The following LY86 variants were observed in gnomAD, a reference collection of about 807,000 sequenced individuals.
LY86 encodes MD-1, RP105-associated.
A neutral mutation model predicts 17.3 loss-of-function variants in LY86; 20 were observed. The ratio of observed to expected loss-of-function variants is 1.15; its 90% CI spans 0.81 to 1.68. The LOEUF (loss-of-function observed/expected upper bound fraction) is 1.68. Ranked by LOEUF, LY86 falls within the 40% of genes most tolerant of loss-of-function variation. The probability of loss-of-function intolerance (pLI) is 0.00; values close to 1 mark genes in which losing one functional copy is unlikely to be tolerated. For missense variants in LY86, 200 were observed against 191.9 expected (o/e 1.04, Z -0.25); for synonymous variants, 74 against 70.6 (o/e 1.05, Z -0.24).
chr6:6,623,346 G>T (rs376991919), intron 1 of LY86, among the ~76,000 whole-genome samples: 2 of 152,184 alleles, frequency 1.3e-5, no homozygotes, highest in African/African-American at 4.8e-5. Context: ...TTAGGGCCCC[G>T]CAGAGCTGAG....
chr6:6,613,841 C>T (rs1761474739), intron 1 of LY86, among the ~76,000 whole-genome samples: 1 of 152,182 alleles, frequency 6.6e-6, no homozygotes, highest in Admixed American at 6.5e-5. Context: ...GGTTTATCCG[C>T]CTTCCTTCAG....
At chr6:6,593,818 G>C (rs950351843) in intron 1 of LY86, among the ~76,000 whole-genome samples, 4 of 152,198 alleles carry the variant, frequency 2.6e-5, no homozygotes, top group Non-Finnish European at 5.9e-5. Flanking sequence ...ACTCAAACCC[G>C]CTGTTTCTCA....
intron 3 of LY86, among the ~76,000 whole-genome samples, chr6:6,630,064 G>A (rs920464025): frequency 2.6e-5 from 4 of 152,186 alleles, no homozygotes; most frequent in African/African-American, 7.2e-5. Flanking sequence ...ACACACTTTA[G>A]TGCTAAGAGT....
chr6:6,607,356 T>C (rs549884417), intron 1 of LY86, among the ~76,000 whole-genome samples: 48 of 152,346 alleles, frequency 3.2e-4, no homozygotes, highest in Middle Eastern at 6.8e-3. Context: ...TACATACTTA[T>C]ATACCAAGGT....
Position 6,643,630 on chromosome 6 carries a change from C to T in LY86, c.353-5995C>T, listed in dbSNP as rs748600960. Among the ~76,000 whole-genome samples the T allele has an allele frequency of 5.3e-5, 8 of 152,294 alleles. No individual in the cohort carries two copies. In the East Asian group the frequency reaches 7.7e-4, roughly 15 times the overall value. ...ATCACAGTGTATTGTGCGTTGCTAA[C>T]GGAGTAGCTCTCCAGTGTTCTCACT... On this transcript the variant is annotated intron_variant, in intron 3 of 4. Transcript: ENST00000230568.
At chr6:6,595,899 G>A (rs1371388545) in intron 1 of LY86, among the ~76,000 whole-genome samples, 2 of 152,182 alleles carry the variant, frequency 1.3e-5, no homozygotes, top group African/African-American at 2.4e-5. Flanking sequence ...GGAGGGCTGT[G>A]GGTGGTCCCT....
chr6:6,633,604 G>T (rs1761924978), intron 3 of LY86, among the ~76,000 whole-genome samples: 1 of 151,774 alleles, frequency 6.6e-6, no homozygotes, highest in South Asian at 2.1e-4. Flanking sequence ...CCCTCCAACA[G>T]ACCCCAGTGT....
chr6:6,629,295 A>G (rs536890345), intron 3 of LY86, among the ~76,000 whole-genome samples: 2 of 152,378 alleles, frequency 1.3e-5, no homozygotes, highest in South Asian at 4.1e-4. Flanking sequence ...TAAGTCAGAG[A>G]AACTAAAATC....
intron 1 of LY86, among the ~76,000 whole-genome samples, chr6:6,604,707 A>G (rs1250842265): frequency 1.3e-5 from 2 of 152,262 alleles, no homozygotes; most frequent in Non-Finnish European, 2.9e-5. Flanking sequence ...CAGAGATATC[A>G]GTGCATTACA....
At chr6:6,634,534 CA>C (rs1761936360) in intron 3 of LY86, among the ~76,000 whole-genome samples, 1 of 152,218 alleles carries the variant, frequency 6.6e-6, no homozygotes, top group Non-Finnish European at 1.5e-5. Context: ...TTTATACATA[CA>C]AATAAGTCAA....
intron 1 of LY86, among the ~76,000 whole-genome samples, chr6:6,612,404 C>A (rs962645623): frequency 2.0e-5 from 3 of 152,210 alleles, no homozygotes; most frequent in Non-Finnish European, 4.4e-5. Context: ...CAGTGGGTAC[C>A]TAGTCTCACT....
At chr6:6,613,049 A>G (rs557037471) in intron 1 of LY86, among the ~76,000 whole-genome samples, 3 of 152,148 alleles carry the variant, frequency 2.0e-5, no homozygotes, top group African/African-American at 4.8e-5. Context: ...GCTAGACATA[A>G]AGCTTCTCCA....
intron 1 of LY86, among the ~76,000 whole-genome samples, chr6:6,600,280 G>A (rs1381539468): frequency 6.6e-6 from 1 of 152,006 alleles, no homozygotes; most frequent in African/African-American, 2.4e-5. Context: ...ACCATGACAG[G>A]GGATGCCTGA....
Position 6,638,838 on chromosome 6 carries a change from G to T in LY86, c.353-10787G>T, listed in dbSNP as rs1761998087. Among the ~76,000 whole-genome samples the T allele has an allele frequency of 2.5e-5, 3 of 120,934 alleles. No individual in the cohort carries two copies. The Admixed American group carries it at 3.4e-4, about 14-fold the overall frequency. The allele number at this position is 120,934 out of a possible 152,430, so 79.3% of individuals were successfully genotyped here. A position where few individuals can be genotyped will look rare whatever the true frequency, so the allele number is the denominator to read the frequency against. ...CCCACCCCACAACAGTCCCCAGAGTGTGATGTTCCCCTTCCTGTGTCCATG... is the reference window on the plus strand; with the variant it reads ...CCCACCCCACAACAGTCCCCAGAGTTTGATGTTCCCCTTCCTGTGTCCATG... On this transcript the variant is annotated intron_variant, in intron 3 of 4. Transcript: ENST00000230568.
chr6:6,600,830 A>AG (rs1344142594), intron 1 of LY86, among the ~76,000 whole-genome samples: 2 of 152,154 alleles, frequency 1.3e-5, no homozygotes, highest in Non-Finnish European at 2.9e-5. Flanking sequence ...ATTTTCCTAA[A>AG]GGGAAGCATG....
intron 1 of LY86, among the ~76,000 whole-genome samples, chr6:6,611,405 T>A (rs1046989048): frequency 6.6e-6 from 1 of 152,186 alleles, no homozygotes; most frequent in Non-Finnish European, 1.5e-5. Flanking sequence ...TGATAGCATC[T>A]CTCTTAAGGC....
At chr6:6,613,541 G>T (rs968940902) in intron 1 of LY86, among the ~76,000 whole-genome samples, 2 of 152,134 alleles carry the variant, frequency 1.3e-5, no homozygotes, top group African/African-American at 4.8e-5. Context: ...GCCGCTCCGA[G>T]TGCGGGGCCC....
At chr6:6,613,911 T>TG (rs1365321328) in intron 1 of LY86, among the ~76,000 whole-genome samples, 15 of 152,262 alleles carry the variant, frequency 9.9e-5, no homozygotes, top group African/African-American at 3.6e-4. Flanking sequence ...AGCAAGGTGT[T>TG]GCTAGAGTGG....
intron 1 of LY86, among the ~76,000 whole-genome samples, chr6:6,611,714 G>C (rs1248008978): frequency 2.6e-5 from 4 of 152,166 alleles, no homozygotes; most frequent in Non-Finnish European, 4.4e-5. Context: ...CCTTTCTCCT[G>C]AAAGTCAGGG....
Sources: gnomAD v4.1 joint callset for allele counts (sites outside exome capture counted in the v4.1 genomes callset) on GRCh38, gnomAD v4.1.1 for gene constraint, MANE v1.5 for transcripts, NCBI Gene and HGNC (gene_info 2026-07-23, HGNC 2026-07-21) for gene names.